GALNT13: variants seen among roughly 807,000 people sequenced by gnomAD.
GALNT13 encodes UDP-GalNAc:polypeptide N-acetylgalactosaminyltransferase 13.
Under a neutral mutation model 64.2 loss-of-function variants are expected in GALNT13, and 28 were observed. The ratio of observed to expected loss-of-function variants is 0.44; its 90% CI spans 0.32 to 0.60. GALNT13 has a LOEUF of 0.60. GALNT13 is among the 20% of genes least tolerant of loss of function. The pLI, the probability that GALNT13 is intolerant of heterozygous loss-of-function variation, is 0.05. For synonymous variants in GALNT13, 214 were observed against 224.6 expected (o/e 0.95, Z 0.42); for missense variants, 577 against 669.8 (o/e 0.86, Z 1.53).
chr2:153,391,377 C>G, the GALNT13 span, among the ~76,000 whole-genome samples: 2 of 151,972 alleles, frequency 1.3e-5, no homozygotes, highest in African/African-American at 4.8e-5. Flanking sequence ...GTCAGTCGAG[C>G]TATGCGGCTA....
the GALNT13 span, among the ~76,000 whole-genome samples, chr2:153,660,679 A>G: frequency 1.3e-5 from 2 of 151,866 alleles, no homozygotes; most frequent in Non-Finnish European, 2.9e-5. Context: ...GTTACCTGTC[A>G]GCTGCTACAG....
At chr2:154,395,647 TTTA>T (rs1207550929) in intron 9 of GALNT13, among the ~76,000 whole-genome samples, 1 of 152,102 alleles carries the variant, frequency 6.6e-6, no homozygotes, top group Non-Finnish European at 1.5e-5. Context: ...ACTAGAATTT[TTTA>T]TTAAGGAGAA....
chr2:153,240,806 T>G, the GALNT13 span, among the ~76,000 whole-genome samples: 1 of 152,078 alleles, frequency 6.6e-6, no homozygotes, highest in East Asian at 1.9e-4. Context: ...GTATCCTAGG[T>G]GCTGCCAATG....
At position 154,386,276 on chromosome 2, in the gene GALNT13, T is replaced by C. The variant is rs138913736; in HGVS notation, c.1157-9715T>C. On this transcript the variant is annotated intron_variant, in intron 9 of 12. Coordinates refer to ENST00000392825, the MANE Select transcript of GALNT13 (RefSeq NM_052917.4). ...GGGTTTATATAGCAGGGGAAAAAAA[T>C]GTAACCATGTGTGGGAAAACAGAAT... is the stretch of plus-strand genomic sequence containing the variant. 1.2e-4 allele frequency among the ~76,000 whole-genome samples: 18 copies of C among 151,948 alleles called. No individual in the cohort carries two copies. In the East Asian group the frequency reaches 3.5e-3, roughly 29 times the overall value.
chr2:154,054,443 T>C (rs2105353604), intron 3 of GALNT13, among the ~76,000 whole-genome samples: 1 of 152,186 alleles, frequency 6.6e-6, no homozygotes, highest in South Asian at 2.1e-4. Flanking sequence ...AATTCTGCCA[T>C]AGAAGTTACC....
intron 4 of GALNT13, among the ~76,000 whole-genome samples, chr2:154,212,011 T>G (rs1322917445): frequency 6.6e-6 from 1 of 152,078 alleles, no homozygotes. Context: ...AAGAAAAAAC[T>G]AAAAATATTG....
At chr2:153,904,005 A>T (rs1574080006) in intron 2 of GALNT13, among the ~76,000 whole-genome samples, 1 of 152,022 alleles carries the variant, frequency 6.6e-6, no homozygotes, top group Non-Finnish European at 1.5e-5. Context: ...TTTTAACTTT[A>T]AATAATGTAT....
chr2:153,886,943 C>T (rs1574047281), intron 1 of GALNT13, among the ~76,000 whole-genome samples: 1 of 151,864 alleles, frequency 6.6e-6, no homozygotes, highest in East Asian at 1.9e-4. Flanking sequence ...TTTTGTGGTG[C>T]CTGGAATCAC....
the GALNT13 span, among the ~76,000 whole-genome samples, chr2:153,787,242 T>C: frequency 3.3e-5 from 5 of 152,076 alleles, no homozygotes; most frequent in African/African-American, 1.2e-4. Flanking sequence ...TGAGGAAATA[T>C]AGGGGAGCCA....
chr2:153,514,359 AT>A, the GALNT13 span, among the ~76,000 whole-genome samples: 1 of 152,092 alleles, frequency 6.6e-6, no homozygotes, highest in Admixed American at 6.5e-5. Flanking sequence ...CATTTTGCTC[AT>A]ATTTTTCCCA....
chr2:153,570,222 C>G, the GALNT13 span, among the ~76,000 whole-genome samples: 2 of 151,968 alleles, frequency 1.3e-5, no homozygotes, highest in African/African-American at 2.4e-5. Flanking sequence ...TTTTATATGC[C>G]TGTTTGCCAT....
the GALNT13 span, among the ~76,000 whole-genome samples, chr2:153,392,724 C>T: frequency 1.2e-3 from 175 of 152,088 alleles, no homozygotes; most frequent in African/African-American, 4.0e-3. Flanking sequence ...CATTTTCTCC[C>T]CAGTTCAGTC....
At chr2:154,149,834 C>T (rs1346567480) in intron 4 of GALNT13, among the ~76,000 whole-genome samples, 8 of 152,158 alleles carry the variant, frequency 5.3e-5, no homozygotes, top group Non-Finnish European at 8.8e-5. Flanking sequence ...TGGGCTGAAA[C>T]AATAGAGTTT....
chr2:153,217,718 CAT>C, the GALNT13 span, among the ~76,000 whole-genome samples: 1 of 151,998 alleles, frequency 6.6e-6, no homozygotes, highest in African/African-American at 2.4e-5. Context: ...TCTTACCCTA[CAT>C]GTTTCCCCCT....
chr2:153,999,828 G>T (rs145613537), intron 3 of GALNT13, among the ~76,000 whole-genome samples: 2 of 151,912 alleles, frequency 1.3e-5, no homozygotes, highest in Non-Finnish European at 2.9e-5. Flanking sequence ...TGATGACCTT[G>T]TAGAATGAGT....
At chr2:153,706,036 C>T in the GALNT13 span, among the ~76,000 whole-genome samples, 4 of 151,874 alleles carry the variant, frequency 2.6e-5, no homozygotes, top group South Asian at 2.1e-4. Flanking sequence ...CTAACTCTGT[C>T]GCCAGGCTGC....
chr2:153,253,324 C>G, the GALNT13 span, among the ~76,000 whole-genome samples: 4 of 140,846 alleles, frequency 2.8e-5, no homozygotes, highest in Admixed American at 2.9e-4. Context: ...ATTTTGTATC[C>G]TGAGACTTTG....
chr2:154,324,729 C>T (rs1039620035), intron 9 of GALNT13, among the ~76,000 whole-genome samples: 4 of 151,984 alleles, frequency 2.6e-5, no homozygotes, highest in African/African-American at 9.7e-5. Context: ...AAAGAGTGGT[C>T]CTGGTGCACA....
In GALNT13 at chr2:154,039,850, T is replaced by C. The variant is rs766586866; in HGVS notation, c.142+95211T>C. Among the ~76,000 whole-genome samples the C allele has an allele frequency of 8.5e-5, 12 of 140,588 alleles. 3 individuals are homozygous for C. The highest frequency in any genetic ancestry group is 1.5e-4 in the Non-Finnish European group (9 of 61,216). The allele number at this position is 140,588 out of a possible 152,430, so 92.2% of individuals were successfully genotyped here. A position where few individuals can be genotyped will look rare whatever the true frequency, so the allele number is the denominator to read the frequency against. On this transcript the variant is annotated intron_variant, in intron 3 of 12. Transcript: ENST00000392825. ...ACCCTAATTTGGTCATTACACATTG[T>C]ATACATGTATAGGGATATTGTATGC... is the stretch of plus-strand genomic sequence containing the variant.
Sources: gnomAD v4.1 joint callset for allele counts (sites outside exome capture counted in the v4.1 genomes callset) on GRCh38, gnomAD v4.1.1 for gene constraint, MANE v1.5 for transcripts, NCBI Gene and HGNC (gene_info 2026-07-23, HGNC 2026-07-21) for gene names.